Variants in PCSK5 observed in about 807,000 individuals in gnomAD.
The protein encoded by PCSK5 is proprotein convertase subtilisin/kexin type 5.
A neutral mutation model predicts 233.2 loss-of-function variants in PCSK5; 129 were observed. The observed-to-expected ratio is 0.55, with a 90% CI of 0.48 to 0.64. The LOEUF is 0.64. Among genes scored for constraint, PCSK5 ranks in the 30% least tolerant of loss-of-function variants. PCSK5 has a pLI of 0.00. For missense variants in PCSK5, 2,076 were observed against 2,430.1 expected, an observed-to-expected ratio of 0.85 and a Z score of 3.06; for synonymous variants, 825 against 879.2, an observed-to-expected ratio of 0.94 and a Z score of 1.09.
chr9:76,184,557 T>C, intron 16 of PCSK5, 116 bp from the exon 17 acceptor site: 1 of 548,408 alleles, frequency 1.8e-6, no homozygotes, highest in Non-Finnish European at 3.2e-6. Flanking sequence ...TTCCTGCAAT[T>C]GTCTAGTCAA....
chr9:76,220,042 C>A (rs956174352), intron 20 of PCSK5, among the ~76,000 whole-genome samples: 1 of 152,018 alleles, frequency 6.6e-6, no homozygotes, highest in Non-Finnish European at 1.5e-5. Flanking sequence ...CACTAGCAAA[C>A]CTGTAGAAAT....
chr9:76,343,566 T>C (rs1484275412), intron 35 of PCSK5, among the ~76,000 whole-genome samples: 1 of 152,114 alleles, frequency 6.6e-6, no homozygotes, highest in Non-Finnish European at 1.5e-5. Flanking sequence ...TCTTCTCATA[T>C]TCAGCCTCAT....
intron 2 of PCSK5, among the ~76,000 whole-genome samples, chr9:75,943,960 C>T (rs548949079): frequency 2.8e-4 from 43 of 151,902 alleles, no homozygotes; most frequent in South Asian, 2.3e-3. Context: ...TCCAGGAGTT[C>T]GAGACCAGCC....
At chr9:76,198,902 G>A (rs1014156834) in intron 20 of PCSK5, among the ~76,000 whole-genome samples, 2 of 152,166 alleles carry the variant, frequency 1.3e-5, no homozygotes, top group African/African-American at 2.4e-5. Flanking sequence ...CACGTGCTAA[G>A]GTTCCATGCC....
intron 25 of PCSK5, among the ~76,000 whole-genome samples, chr9:76,293,541 C>A (rs994420763): frequency 2.0e-5 from 3 of 152,178 alleles, no homozygotes; most frequent in African/African-American, 7.2e-5. Context: ...CCTCTGCCTC[C>A]CAAGTTCAAG....
intron 5 of PCSK5, among the ~76,000 whole-genome samples, chr9:76,038,647 G>GAAC (rs1828966251): frequency 6.6e-6 from 1 of 152,168 alleles, no homozygotes; most frequent in African/African-American, 2.4e-5. Context: ...CATCCAAGGG[G>GAAC]AACTGCAGTT....
At chr9:76,009,110 A>G (rs1827607564) in intron 3 of PCSK5, among the ~76,000 whole-genome samples, 1 of 152,180 alleles carries the variant, frequency 6.6e-6, no homozygotes, top group South Asian at 2.1e-4. Context: ...TGTGGTACCT[A>G]GAATGATACC....
At chr9:76,266,446 T>C (rs1314110609) in intron 24 of PCSK5, among the ~76,000 whole-genome samples, 7 of 152,210 alleles carry the variant, frequency 4.6e-5, no homozygotes, top group Admixed American at 3.9e-4. Context: ...AATGTGTGCC[T>C]ATTTAATTCC....
intron 7 of PCSK5, among the ~76,000 whole-genome samples, chr9:76,073,234 G>A (rs1011089484): frequency 1.1e-4 from 17 of 152,166 alleles, no homozygotes; most frequent in South Asian, 4.1e-4. Flanking sequence ...CCACATCTTC[G>A]TGGGATTTTT....
chr9:76,350,171 T>C (rs925769054), intron 35 of PCSK5, among the ~76,000 whole-genome samples: 4 of 152,160 alleles, frequency 2.6e-5, no homozygotes, highest in Non-Finnish European at 5.9e-5. Context: ...AACTTGAATT[T>C]GAATCTTGAC....
At chr9:76,208,070 T>C (rs1309440195) in intron 20 of PCSK5, among the ~76,000 whole-genome samples, 1 of 152,118 alleles carries the variant, frequency 6.6e-6, no homozygotes, top group Non-Finnish European at 1.5e-5. Context: ...AGGAGCCCTC[T>C]CTCACCGTAA....
At chr9:76,208,127 G>GC (rs1439558863) in intron 20 of PCSK5, among the ~76,000 whole-genome samples, 1 of 152,104 alleles carries the variant, frequency 6.6e-6, no homozygotes, top group Non-Finnish European at 1.5e-5. Flanking sequence ...TGAAGGCAGA[G>GC]CCCCCATGAC....
intron 3 of PCSK5, among the ~76,000 whole-genome samples, chr9:76,013,801 C>A (rs893503161): frequency 1.3e-5 from 2 of 151,980 alleles, no homozygotes; most frequent in Non-Finnish European, 2.9e-5. Flanking sequence ...AGATTATTGT[C>A]ATTTTTGAAG....
intron 27 of PCSK5, among the ~76,000 whole-genome samples, chr9:76,298,728 A>G (rs913120458): frequency 1.3e-5 from 2 of 152,232 alleles, no homozygotes; most frequent in African/African-American, 2.4e-5. Flanking sequence ...CACCTTTCAG[A>G]TGATGGAAAG....
In PCSK5 at chr9:76,121,887, G is replaced by A. The variant is rs1304257257; in HGVS notation, c.1209-12222G>A. 1.4e-3 allele frequency among the ~76,000 whole-genome samples: 58 copies of A among 41,192 alleles called. 13 individuals are homozygous for A. The highest frequency in any genetic ancestry group is 6.2e-5 in the Non-Finnish European group (1 of 16,046). The allele number at this position is 41,192 out of a possible 152,430, so 27.0% of individuals were successfully genotyped here. On this transcript the variant is annotated intron_variant, in intron 9 of 37. Coordinates refer to ENST00000674117, the MANE Select transcript of PCSK5 (RefSeq NM_001372043.1). ...CGCCCAGGCTGGAGTGCAGTGGCGG[G>A]ATCTCGGCTCACTGCAAGCTCCGCC...
At chr9:75,914,784 G>A (rs1822909984) in intron 1 of PCSK5, among the ~76,000 whole-genome samples, 1 of 152,050 alleles carries the variant, frequency 6.6e-6, no homozygotes, top group Non-Finnish European at 1.5e-5. Flanking sequence ...TGTTTCTTTA[G>A]GAGATATATG....
At chr9:76,118,753 T>C (rs1477137205) in intron 9 of PCSK5, among the ~76,000 whole-genome samples, 1 of 151,940 alleles carries the variant, frequency 6.6e-6, no homozygotes, top group Admixed American at 6.6e-5. Flanking sequence ...ACAAAACATA[T>C]ATATAAATCA....
chr9:76,180,049 A>G (rs1286089259), intron 15 of PCSK5, among the ~76,000 whole-genome samples: 1 of 145,440 alleles, frequency 6.9e-6, no homozygotes, highest in East Asian at 2.0e-4. Flanking sequence ...TGTATTTATA[A>G]TGCATAACAT....
At chr9:76,047,013 C>G (rs568798536) in intron 5 of PCSK5, among the ~76,000 whole-genome samples, 1 of 152,268 alleles carries the variant, frequency 6.6e-6, no homozygotes, top group East Asian at 1.9e-4. Context: ...CCCTGTGTCT[C>G]TAAGTGTGAT....
Sources: allele counts gnomAD v4.1 joint callset (sites outside exome capture counted in the v4.1 genomes callset), GRCh38; gene constraint gnomAD v4.1.1; transcripts MANE v1.5; gene names NCBI Gene and HGNC (gene_info 2026-07-23, HGNC 2026-07-21).